The following SRGAP3 variants were observed in gnomAD, a reference collection of about 807,000 sequenced individuals.
SRGAP3 encodes SLIT-ROBO Rho GTPase activating protein 3, also known as SLIT-ROBO Rho GTPase-activating protein 3.
In SRGAP3, 39 loss-of-function variants were observed where a neutral mutation model predicts 121.1. The observed-to-expected ratio is 0.32, with a 90% confidence interval of 0.25 to 0.42. SRGAP3 has a LOEUF of 0.42. Among genes scored for constraint, SRGAP3 ranks in the 10% least tolerant of loss-of-function variants. The pLI, the probability that SRGAP3 is intolerant of heterozygous loss-of-function variation, is 1.00. For missense variants in SRGAP3, 1,213 were observed against 1,470.6 expected, an observed-to-expected ratio of 0.82 and a Z score of 2.86; for synonymous variants, 601 against 570.0, an observed-to-expected ratio of 1.05 and a Z score of -0.77.
chr3:9,077,134 C>T (rs767790203), intron 4 of SRGAP3, among the ~76,000 whole-genome samples: 23 of 150,238 alleles, frequency 1.5e-4, no homozygotes, highest in Middle Eastern at 3.4e-3. Context: ...CCTCCCCCTC[C>T]GACAAGCCCC....
intron 2 of SRGAP3, among the ~76,000 whole-genome samples, chr3:9,108,889 C>T (rs1490578178): frequency 6.6e-6 from 1 of 152,132 alleles, no homozygotes; most frequent in East Asian, 1.9e-4. Flanking sequence ...GATTTCTCAA[C>T]AGGAGAGCAG....
At position 9,080,076 on chromosome 3, in the gene SRGAP3, A is replaced by G; in HGVS notation, c.435T>C (p.Ile145=). The G allele has an allele frequency of 6.2e-7, 1 of 1,614,186 alleles. No homozygotes were observed. The highest frequency in any genetic ancestry group is 1.7e-5 in the Admixed American group (1 of 60,024). The change falls in exon 4 of 22, where the codon ATT becomes ATC. Residue 145 remains isoleucine (I), a synonymous_variant. Transcript: ENST00000383836. ...VIRLFKKSKE[I]GLQMHEELLK... ...GGAGCTCCTCGTGCATCTGCAGGCC[A>G]ATCTCCTTGCTCTGGAATGTGGAAG...
intron 2 of SRGAP3, among the ~76,000 whole-genome samples, chr3:9,119,429 C>G (rs1055113332): frequency 6.6e-6 from 1 of 152,204 alleles, no homozygotes. Flanking sequence ...CCCACACTCA[C>G]CAGTTCCAGC....
At chr3:9,289,086 A>G (rs1051554183) in intron 3 of SRGAP3, among the ~76,000 whole-genome samples, 1 of 150,924 alleles carries the variant, frequency 6.6e-6, no homozygotes, top group Non-Finnish European at 1.5e-5. Flanking sequence ...TTTAGTAGAG[A>G]TGGGGTTTTA....
chr3:9,319,923 G>A (rs779221092), intron 3 of SRGAP3, among the ~76,000 whole-genome samples: 8 of 151,910 alleles, frequency 5.3e-5, no homozygotes, highest in Non-Finnish European at 1.0e-4. Context: ...GCATGTCACC[G>A]TGCACAGGGA....
chr3:9,101,365 T>C (rs1948207607), intron 3 of SRGAP3, among the ~76,000 whole-genome samples: 1 of 152,238 alleles, frequency 6.6e-6, no homozygotes, highest in Non-Finnish European at 1.5e-5. Flanking sequence ...TGCATCTGGC[T>C]TCAGGGATGG....
chr3:9,267,682 T>C (rs1954392820), intron 3 of SRGAP3, among the ~76,000 whole-genome samples: 2 of 152,170 alleles, frequency 1.3e-5, no homozygotes, highest in South Asian at 4.1e-4. Flanking sequence ...TCAGATGTAT[T>C]TTCTCTGGTA....
chr3:9,296,935 C>T (rs1954962895), intron 3 of SRGAP3, among the ~76,000 whole-genome samples: 1 of 152,024 alleles, frequency 6.6e-6, no homozygotes, highest in East Asian at 1.9e-4. Flanking sequence ...CCCAGGCTAG[C>T]GTACAGTGGT....
At chr3:9,192,851 G>C (rs1329900684) in intron 1 of SRGAP3, 1 of 152,132 alleles carries the variant, frequency 6.6e-6, no homozygotes, top group Non-Finnish European at 1.5e-5. Context: ...GTAACTCCAG[G>C]CTCTAACCTG....
intron 13 of SRGAP3, among the ~76,000 whole-genome samples, chr3:9,026,561 C>T (rs1460207301): frequency 2.6e-5 from 4 of 152,184 alleles, no homozygotes; most frequent in Admixed American, 2.6e-4. Flanking sequence ...AAAGTAATAG[C>T]AAAAGCCACA....
chr3:9,007,117 A>G (rs998251601), intron 18 of SRGAP3: 1 of 151,986 alleles, frequency 6.6e-6, no homozygotes, highest in Non-Finnish European at 1.5e-5. Flanking sequence ...ATATGCCACC[A>G]TGCCTGGCTA....
intron 1 of SRGAP3, among the ~76,000 whole-genome samples, chr3:9,206,585 C>T (rs1952273653): frequency 6.6e-6 from 1 of 152,184 alleles, no homozygotes; most frequent in African/African-American, 2.4e-5. Flanking sequence ...CAGCAGCCTC[C>T]TGAATCTTTC....
intron 1 of SRGAP3, among the ~76,000 whole-genome samples, chr3:9,225,888 A>G (rs1952971324): frequency 6.7e-6 from 1 of 150,212 alleles, no homozygotes; most frequent in African/African-American, 2.4e-5. Context: ...GCGCTGCCAG[A>G]CCTTCTGACT....
At chr3:9,014,011 T>A (rs55641311) in intron 15 of SRGAP3, 169 bp from the exon 16 acceptor site, 19,205 of 694,130 alleles carry the variant, frequency 0.028, 1,025 homozygotes, top group African/African-American at 0.18. Flanking sequence ...AGCATCCATC[T>A]CCCTAGCTAC....
chr3:9,087,129 T>C (rs952306047), intron 3 of SRGAP3, among the ~76,000 whole-genome samples: 2 of 152,146 alleles, frequency 1.3e-5, no homozygotes, highest in Non-Finnish European at 2.9e-5. Context: ...TGTGTGTATA[T>C]ATATGTGTTT....
chr3:9,331,428 C>G (rs1955606156), intron 1 of SRGAP3, among the ~76,000 whole-genome samples: 1 of 152,180 alleles, frequency 6.6e-6, no homozygotes, highest in Non-Finnish European at 1.5e-5. Flanking sequence ...ACAGAACCAG[C>G]TACCCTCATA....
intron 3 of SRGAP3, among the ~76,000 whole-genome samples, chr3:9,285,080 C>A (rs1954745475): frequency 6.6e-6 from 1 of 152,104 alleles, no homozygotes; most frequent in South Asian, 2.1e-4. Flanking sequence ...AGGAACAGTG[C>A]AAGAGTTAGG....
intron 8 of SRGAP3, among the ~76,000 whole-genome samples, chr3:9,055,981 C>T (rs1468425091): frequency 3.9e-5 from 6 of 152,154 alleles, no homozygotes; most frequent in South Asian, 2.1e-4. Flanking sequence ...CTCACTGAAA[C>T]GTCTGCCTCC....
chr3:9,332,044 G>T (rs1338105347), intron 1 of SRGAP3, among the ~76,000 whole-genome samples: 1 of 152,168 alleles, frequency 6.6e-6, no homozygotes, highest in African/African-American at 2.4e-5. Context: ...AAGTCATTGA[G>T]GTGCCTATGC....
Sources: gnomAD v4.1 joint callset for allele counts (sites outside exome capture counted in the v4.1 genomes callset) on GRCh38, gnomAD v4.1.1 for gene constraint, MANE v1.5 for transcripts, NCBI Gene and HGNC (gene_info 2026-07-23, HGNC 2026-07-21) for gene names.